The following TMEM62 variants were observed in gnomAD, a reference collection of about 807,000 sequenced individuals.
The protein encoded by TMEM62 is transmembrane protein 62.
Under a neutral mutation model 70.4 loss-of-function variants are expected in TMEM62, and 41 were observed. That is an observed-to-expected ratio of 0.58 (90% confidence interval 0.45 to 0.76). The LOEUF (loss-of-function observed/expected upper bound fraction) is 0.76, where lower values mean the gene tolerates loss of function less well. Among genes scored for constraint, TMEM62 ranks in the 30% least tolerant of loss-of-function variants. The probability of loss-of-function intolerance (pLI) is 0.00; values close to 1 mark genes in which losing one functional copy is unlikely to be tolerated. For missense variants in TMEM62, 688 were observed against 788.5 expected, an observed-to-expected ratio of 0.87 and a Z score of 1.53; for synonymous variants, 268 against 291.0, an observed-to-expected ratio of 0.92 and a Z score of 0.80.
intron 4 of TMEM62, among the ~76,000 whole-genome samples, chr15:43,143,903 G>A (rs1227011904): frequency 6.6e-6 from 1 of 152,210 alleles, no homozygotes; most frequent in African/African-American, 2.4e-5. Context: ...TCCATCCCTA[G>A]TTGGATAGTG....
At chr15:43,167,372 C>CGGCT (rs2039613614) in intron 10 of TMEM62, among the ~76,000 whole-genome samples, 2 of 149,514 alleles carry the variant, frequency 1.3e-5, no homozygotes, top group Admixed American at 1.3e-4. Context: ...TCAGACGGGG[C>CGGCT]GGCTGCTGGG....
At chr15:43,146,898 C>T (rs558229535) in intron 5 of TMEM62, among the ~76,000 whole-genome samples, 12 of 152,300 alleles carry the variant, frequency 7.9e-5, no homozygotes, top group African/African-American at 2.9e-4. Flanking sequence ...ACAGGATGCA[C>T]TTTGCAAGTT....
At chr15:43,174,575 T>C (rs890076325) in intron 11 of TMEM62, among the ~76,000 whole-genome samples, 2 of 152,226 alleles carry the variant, frequency 1.3e-5, no homozygotes, top group African/African-American at 4.8e-5. Context: ...TTAACCTACA[T>C]TGTTTCACTT....
chr15:43,160,911 A>G (rs972487351), intron 10 of TMEM62, 117 bp downstream of exon 10: 3 of 462,456 alleles, frequency 6.5e-6, no homozygotes, highest in Admixed American at 3.9e-5. Context: ...AAGGTCATCC[A>G]TGGTCTGAAA....
At chr15:43,178,267 C>T (rs2040974174) in intron 11 of TMEM62, among the ~76,000 whole-genome samples, 1 of 151,690 alleles carries the variant, frequency 6.6e-6, no homozygotes, top group Non-Finnish European at 1.5e-5. Context: ...CCATTGCTTT[C>T]AGTTATTATA....
chr15:43,177,255 C>G (rs1353883504), intron 11 of TMEM62, among the ~76,000 whole-genome samples: 1 of 152,070 alleles, frequency 6.6e-6, no homozygotes, highest in East Asian at 1.9e-4. Flanking sequence ...AAAAAATACT[C>G]ACCGTCACTG....
chr15:43,167,850 A>G (rs1353929662), intron 10 of TMEM62, among the ~76,000 whole-genome samples: 2 of 152,162 alleles, frequency 1.3e-5, no homozygotes, highest in East Asian at 1.9e-4. Context: ...CACTGAGTGA[A>G]CGAGACTCCG....
intron 11 of TMEM62, among the ~76,000 whole-genome samples, chr15:43,176,409 C>T (rs2040753885): frequency 6.6e-6 from 1 of 152,234 alleles, no homozygotes; most frequent in African/African-American, 2.4e-5. Flanking sequence ...CCCTGACCCC[C>T]GAGCAGCCCA....
intron 11 of TMEM62, among the ~76,000 whole-genome samples, chr15:43,170,094 G>A (rs2040026496): frequency 6.6e-6 from 1 of 152,166 alleles, no homozygotes; most frequent in Non-Finnish European, 1.5e-5. Context: ...TATACTGGGT[G>A]AAAAATGACC....
chr15:43,167,983 G>C (rs2039726311), intron 10 of TMEM62, among the ~76,000 whole-genome samples: 1 of 152,062 alleles, frequency 6.6e-6, no homozygotes, highest in Non-Finnish European at 1.5e-5. Context: ...AACCAGTCAG[G>C]CGTGGCGGCG....
At chr15:43,157,704 T>C in intron 9 of TMEM62, among the ~76,000 whole-genome samples, 1 of 152,166 alleles carries the variant, frequency 6.6e-6, no homozygotes, top group African/African-American at 2.4e-5. Context: ...CATCTGTAAA[T>C]ATGTCAATAT....
intron 12 of TMEM62, among the ~76,000 whole-genome samples, chr15:43,179,451 C>T (rs2041131591): frequency 6.6e-6 from 1 of 152,150 alleles, no homozygotes; most frequent in Non-Finnish European, 1.5e-5. Context: ...CAAGGGACCA[C>T]ATATACAGTG....
chr15:43,156,387 G>C (rs1316129861), intron 9 of TMEM62, among the ~76,000 whole-genome samples: 1 of 152,176 alleles, frequency 6.6e-6, no homozygotes, highest in Non-Finnish European at 1.5e-5. Context: ...TCTTTAAAAT[G>C]TTCTGTGTAG....
intron 13 of TMEM62, among the ~76,000 whole-genome samples, chr15:43,182,617 C>G (rs1462724022): frequency 6.6e-6 from 1 of 152,000 alleles, no homozygotes; most frequent in African/African-American, 2.4e-5. Flanking sequence ...CCATGCCCGG[C>G]TAATTTTTGT....
At chr15:43,141,083 G>A (rs1044911624) in intron 4 of TMEM62, among the ~76,000 whole-genome samples, 2 of 152,204 alleles carry the variant, frequency 1.3e-5, no homozygotes, top group African/African-American at 2.4e-5. Flanking sequence ...CAGGACCTCC[G>A]TGAGCTGGGT....
At chr15:43,141,971 T>C (rs2036072759) in intron 4 of TMEM62, among the ~76,000 whole-genome samples, 1 of 152,166 alleles carries the variant, frequency 6.6e-6, no homozygotes, top group Non-Finnish European at 1.5e-5. Flanking sequence ...TTGCTTCTTA[T>C]GGATGAGCAG....
chr15:43,151,691 A>C (rs1280137419), intron 7 of TMEM62, 99 bp from the exon 8 acceptor site: 1 of 1,002,342 alleles, frequency 1.0e-6, no homozygotes, highest in Non-Finnish European at 1.5e-6. Context: ...CATGTAAAAA[A>C]GTCCTAGTTA....
rs2039744192 is a variant in TMEM62 at position 43,168,052 on chromosome 15, G to T, written c.1297-1541G>T. Among the ~76,000 whole-genome samples the T allele has an allele frequency of 2.0e-5, 3 of 152,030 alleles. No homozygotes were observed. In the South Asian group the frequency reaches 6.2e-4, roughly 32 times the overall value. ...GGCAGGAGACTCAGGCCGGGAGGTT[G>T]CAGTGAGCCGAGATGGCAGCGGTAC... On this transcript the variant is annotated intron_variant, in intron 10 of 13. Coordinates refer to ENST00000260403, the MANE Select transcript of TMEM62 (RefSeq NM_024956.4).
At chr15:43,171,704 T>C (rs958339786) in intron 11 of TMEM62, among the ~76,000 whole-genome samples, 3 of 148,866 alleles carry the variant, frequency 2.0e-5, no homozygotes, top group African/African-American at 7.4e-5. Flanking sequence ...CTCAGCTCAC[T>C]GCAAGCTCTG....
Sources: allele counts gnomAD v4.1 joint callset (sites outside exome capture counted in the v4.1 genomes callset), GRCh38; gene constraint gnomAD v4.1.1; transcripts MANE v1.5; gene names NCBI Gene and HGNC (gene_info 2026-07-23, HGNC 2026-07-21).